NETO1: variants seen among roughly 807,000 people sequenced by gnomAD.
The protein encoded by NETO1 is neuropilin and tolloid-like protein 1.
A neutral mutation model predicts 61.3 loss-of-function variants in NETO1; 26 were observed. That is an observed-to-expected ratio of 0.42 (90% CI 0.31 to 0.59). The LOEUF (loss-of-function observed/expected upper bound fraction) is 0.59. NETO1 is among the 20% of genes least tolerant of loss of function. NETO1 has a pLI of 0.12. For synonymous variants in NETO1, 225 were observed against 225.8 expected, an observed-to-expected ratio of 1.00 and a Z score of 0.03; for missense variants, 531 against 662.8, an observed-to-expected ratio of 0.80 and a Z score of 2.18.
chr18:72,770,836 T>C (rs1323533174), intron 7 of NETO1, among the ~76,000 whole-genome samples: 1 of 152,174 alleles, frequency 6.6e-6, no homozygotes, highest in African/African-American at 2.4e-5. Flanking sequence ...CTAAACAGTG[T>C]TGTGAAATAT....
At chr18:72,766,394 C>T (rs9789191) in intron 7 of NETO1, among the ~76,000 whole-genome samples, 44,429 of 151,738 alleles carry the variant, frequency 0.29, 7,877 homozygotes, top group South Asian at 0.41. Context: ...CCCTTGTCAG[C>T]ACATTGAAAC....
intron 7 of NETO1, among the ~76,000 whole-genome samples, chr18:72,779,585 T>G (rs112642821): frequency 3.9e-4 from 59 of 152,290 alleles, no homozygotes; most frequent in African/African-American, 1.4e-3. Context: ...GAAGCCCACT[T>G]TCTATTGTTT....
intron 4 of NETO1, among the ~76,000 whole-genome samples, chr18:72,835,472 T>G (rs190630791): frequency 1.6e-3 from 237 of 152,318 alleles, no homozygotes; most frequent in African/African-American, 5.4e-3. Context: ...TATTCTATTC[T>G]AGTAACTCAG....
chr18:72,757,330 A>G (rs1300917563), intron 7 of NETO1, among the ~76,000 whole-genome samples: 15 of 152,146 alleles, frequency 9.9e-5, no homozygotes, highest in Non-Finnish European at 2.9e-5. Flanking sequence ...CACAACTGTC[A>G]AAACAATACT....
At chr18:72,756,279 C>A in intron 7 of NETO1, 132 bp from the exon 8 acceptor site, 2 of 538,572 alleles carry the variant, frequency 3.7e-6, no homozygotes, top group South Asian at 2.8e-5. Context: ...ATCTGCCGTG[C>A]GATTTTCAGA....
At chr18:72,816,355 C>T (rs2073033302) in intron 4 of NETO1, among the ~76,000 whole-genome samples, 1 of 152,204 alleles carries the variant, frequency 6.6e-6, no homozygotes, top group Admixed American at 6.5e-5. Context: ...AACTGGACTA[C>T]TTATGTTGTT....
intron 4 of NETO1, among the ~76,000 whole-genome samples, chr18:72,827,641 C>CA (rs1239736570): frequency 1.4e-5 from 2 of 147,332 alleles, no homozygotes; most frequent in East Asian, 4.0e-4. Context: ...AGCTGAGACT[C>CA]AGAGGTCGAG....
At chr18:72,842,567 C>T (rs1184622720) in intron 4 of NETO1, among the ~76,000 whole-genome samples, 4 of 152,054 alleles carry the variant, frequency 2.6e-5, no homozygotes, top group Admixed American at 2.6e-4. Context: ...GAGCATAAAG[C>T]AAAGATAAAT....
At chr18:72,761,535 G>C (rs1364457864) in intron 7 of NETO1, among the ~76,000 whole-genome samples, 2 of 152,090 alleles carry the variant, frequency 1.3e-5, no homozygotes, top group Admixed American at 6.5e-5. Context: ...ATTGTTAAGA[G>C]AGACATTCAG....
At chr18:72,855,545 T>C (rs151329884) in intron 4 of NETO1, among the ~76,000 whole-genome samples, 14 of 152,332 alleles carry the variant, frequency 9.2e-5, no homozygotes, top group South Asian at 4.1e-4. Flanking sequence ...TCTGCCTCCG[T>C]ATCCTCCACA....
At chr18:72,836,227 C>T (rs2073744774) in intron 4 of NETO1, among the ~76,000 whole-genome samples, 1 of 152,082 alleles carries the variant, frequency 6.6e-6, no homozygotes, top group African/African-American at 2.4e-5. Context: ...CAGGGTGCTC[C>T]CCCTTTCTCT....
intron 7 of NETO1, among the ~76,000 whole-genome samples, chr18:72,764,157 T>C (rs1283524183): frequency 6.6e-6 from 1 of 152,184 alleles, no homozygotes; most frequent in Non-Finnish European, 1.5e-5. Flanking sequence ...AGCCAAACCA[T>C]ATCAGAGTAC....
intron 7 of NETO1, among the ~76,000 whole-genome samples, chr18:72,758,574 C>T (rs1172308524): frequency 6.6e-6 from 1 of 152,082 alleles, no homozygotes; most frequent in African/African-American, 2.4e-5. Flanking sequence ...TGGTGGCTCA[C>T]GCCTGTAATC....
intron 4 of NETO1, among the ~76,000 whole-genome samples, chr18:72,856,796 C>T (rs914518136): frequency 4.6e-5 from 7 of 152,304 alleles, no homozygotes; most frequent in East Asian, 3.9e-4. Context: ...ATTCTCGTAA[C>T]GCTTCATAAC....
At chr18:72,860,495 T>C (rs1350553234) in intron 3 of NETO1, among the ~76,000 whole-genome samples, 1 of 152,204 alleles carries the variant, frequency 6.6e-6, no homozygotes, top group Non-Finnish European at 1.5e-5. Context: ...AATGTAACTC[T>C]GATGCTCCCC....
At chr18:72,771,347 C>T (rs1001578945) in intron 7 of NETO1, among the ~76,000 whole-genome samples, 1 of 152,092 alleles carries the variant, frequency 6.6e-6, no homozygotes, top group Admixed American at 6.6e-5. Context: ...TAGAGTACAA[C>T]CTTCCGTGGG....
chr18:72,817,672 A>C (rs1348191618), intron 4 of NETO1, among the ~76,000 whole-genome samples: 2 of 152,250 alleles, frequency 1.3e-5, no homozygotes, highest in Non-Finnish European at 2.9e-5. Flanking sequence ...AGCTAGGCCT[A>C]GTGACTCATT....
chr18:72,756,592 A>C (rs1255496585), intron 7 of NETO1, among the ~76,000 whole-genome samples: 1 of 152,186 alleles, frequency 6.6e-6, no homozygotes, highest in Non-Finnish European at 1.5e-5. Context: ...ACATACACTA[A>C]AGCAAACCCT....
chr18:72,803,528 A>G (rs2072574343), intron 4 of NETO1, among the ~76,000 whole-genome samples: 6 of 152,186 alleles, frequency 3.9e-5, no homozygotes. Flanking sequence ...AAAGGCTCTT[A>G]AAATACTCTC....
Sources: allele counts gnomAD v4.1 joint callset (sites outside exome capture counted in the v4.1 genomes callset), GRCh38; gene constraint gnomAD v4.1.1; transcripts MANE v1.5; gene names NCBI Gene and HGNC (gene_info 2026-07-23, HGNC 2026-07-21).